STPG2: variants seen among roughly 807,000 people sequenced by gnomAD.
The protein encoded by STPG2 is sperm tail PG-rich repeat containing 2.
STPG2 carries 56 observed loss-of-function variants against 54.2 expected under a neutral mutation model. The ratio of observed to expected loss-of-function variants is 1.03; its 90% CI spans 0.83 to 1.29. STPG2 has a LOEUF of 1.29. STPG2 is among the 50% of genes most tolerant of loss of function. The pLI is 0.00. For synonymous variants in STPG2, 200 were observed against 181.8 expected, an observed-to-expected ratio of 1.10 and a Z score of -0.81; for missense variants, 596 against 544.9, an observed-to-expected ratio of 1.09 and a Z score of -0.93.
At chr4:97,452,239 C>T (rs1377351974) in intron 4 of STPG2, among the ~76,000 whole-genome samples, 1 of 151,768 alleles carries the variant, frequency 6.6e-6, no homozygotes, top group Non-Finnish European at 1.5e-5. Flanking sequence ...CTCACAGGCT[C>T]AGAAACGCCT....
intron 9 of STPG2, among the ~76,000 whole-genome samples, chr4:97,723,428 A>G (rs1389890951): frequency 2.0e-5 from 3 of 152,108 alleles, no homozygotes; most frequent in African/African-American, 7.2e-5. Context: ...ACCATTATGC[A>G]ATATATTCAT....
intron 7 of STPG2, among the ~76,000 whole-genome samples, chr4:97,971,002 G>A (rs1015982575): frequency 9.9e-5 from 15 of 152,144 alleles, no homozygotes; most frequent in African/African-American, 2.7e-4. Context: ...CAAAGGATGT[G>A]AACAGACACT....
intron 10 of STPG2, among the ~76,000 whole-genome samples, chr4:97,677,798 A>C (rs926839431): frequency 5.3e-5 from 8 of 152,254 alleles, no homozygotes; most frequent in African/African-American, 1.9e-4. Flanking sequence ...GACTTCATGG[A>C]GCCTCCATAT....
chr4:97,706,180 GC>G (rs1445450308), intron 10 of STPG2, among the ~76,000 whole-genome samples: 1 of 152,048 alleles, frequency 6.6e-6, no homozygotes, highest in African/African-American at 2.4e-5. Context: ...AGGAAGGGTA[GC>G]CCTTCTGAAA....
intron 8 of STPG2, among the ~76,000 whole-genome samples, chr4:97,908,080 C>CA (rs1439830732): frequency 6.6e-6 from 1 of 151,496 alleles, no homozygotes; most frequent in African/African-American, 2.4e-5. Context: ...AGTGAACAGG[C>CA]AACCTACAAA....
chr4:97,626,230 A>G (rs1209741849), intron 10 of STPG2, among the ~76,000 whole-genome samples: 1 of 152,210 alleles, frequency 6.6e-6, no homozygotes, highest in African/African-American at 2.4e-5. Flanking sequence ...ACCCAGATAT[A>G]CCATAATGAC....
chr4:97,757,568 T>G lies in STPG2; in HGVS notation c.1205-44754A>C, dbSNP rs778081165. The stretch of plus-strand genomic sequence containing the variant: ...ATGAATTAACACTTTCTATTTTTAC[T>G]CCTAATCTGAATATATATCCGTAAC... On this transcript the variant is annotated intron_variant, in intron 9 of 10. Coordinates refer to ENST00000295268, the MANE Select transcript of STPG2 (RefSeq NM_174952.3). Among the ~76,000 whole-genome samples, 7 of 152,296 alleles carry G rather than the reference T, an allele frequency of 4.6e-5. 1 individual carries two copies. In the Middle Eastern group the frequency reaches 0.024, roughly 518 times the overall value.
At chr4:97,608,119 G>A (rs544353025) in intron 10 of STPG2, among the ~76,000 whole-genome samples, 1 of 152,062 alleles carries the variant, frequency 6.6e-6, no homozygotes, top group East Asian at 1.9e-4. Context: ...CACTGCTGGA[G>A]AAAGGAAGGA....
In STPG2 at chr4:97,478,929, T is replaced by G. The variant is rs9942295; in HGVS notation, c.462+233770A>C. ...TGTGTGTGTGTGTGTGTACTTTATA[T>G]GTGAAAGACCAGGCAATATAAGTAA... On this transcript the variant is annotated intron_variant, in intron 4 of 4. Coordinates refer to the STPG2 transcript ENST00000522676. Among the ~76,000 whole-genome samples the G allele has an allele frequency of 3.4e-4, 50 of 149,070 alleles. No individual in the cohort carries two copies. In the East Asian group the frequency reaches 6.9e-3, roughly 21 times the overall value.
At chr4:97,474,681 T>G (rs1326207604) in intron 4 of STPG2, among the ~76,000 whole-genome samples, 1 of 152,068 alleles carries the variant, frequency 6.6e-6, no homozygotes, top group Non-Finnish European at 1.5e-5. Context: ...TCTTTTTAAT[T>G]TATTTTATTG....
At chr4:97,998,380 G>A (rs945984221) in intron 5 of STPG2, among the ~76,000 whole-genome samples, 2 of 152,168 alleles carry the variant, frequency 1.3e-5, no homozygotes, top group Admixed American at 6.5e-5. Context: ...CCTCTGAGGT[G>A]TCATACATGT....
intron 10 of STPG2, among the ~76,000 whole-genome samples, chr4:97,617,885 T>C (rs553736546): frequency 6.6e-6 from 1 of 152,168 alleles, no homozygotes; most frequent in African/African-American, 2.4e-5. Context: ...ATATACATCA[T>C]AGTCTTTAAG....
chr4:97,502,969 A>G (rs1730759049), intron 4 of STPG2, among the ~76,000 whole-genome samples: 1 of 152,068 alleles, frequency 6.6e-6, no homozygotes, highest in Non-Finnish European at 1.5e-5. Flanking sequence ...CATTGAGGAT[A>G]TAAATTTGTG....
intron 4 of STPG2, among the ~76,000 whole-genome samples, chr4:97,453,652 T>C (rs1729436171): frequency 1.3e-5 from 2 of 152,134 alleles, no homozygotes; most frequent in Non-Finnish European, 2.9e-5. Flanking sequence ...CTGTTTCCCA[T>C]CCCCAAATGA....
At chr4:97,814,644 T>C (rs1171297286) in intron 9 of STPG2, among the ~76,000 whole-genome samples, 4 of 152,080 alleles carry the variant, frequency 2.6e-5, no homozygotes, top group African/African-American at 9.7e-5. Flanking sequence ...GAGATTAACA[T>C]TTGAGTCAGT....
intron 9 of STPG2, among the ~76,000 whole-genome samples, chr4:97,813,086 C>A (rs947345760): frequency 4.6e-5 from 7 of 151,946 alleles, no homozygotes; most frequent in Admixed American, 1.3e-4. Context: ...ACTCTTTCAC[C>A]ACTACTGCTT....
chr4:97,482,235 G>A (rs1172205523), intron 4 of STPG2, among the ~76,000 whole-genome samples: 1 of 151,150 alleles, frequency 6.6e-6, no homozygotes, highest in Non-Finnish European at 1.5e-5. Context: ...GATTTAAACA[G>A]TTTTTGAAAA....
At chr4:97,752,032 C>T (rs1725595118) in intron 9 of STPG2, among the ~76,000 whole-genome samples, 1 of 151,714 alleles carries the variant, frequency 6.6e-6, no homozygotes, top group South Asian at 2.1e-4. Context: ...ATAGTGCATA[C>T]TCATTACATT....
At chr4:97,541,317 A>T (rs960371433) in intron 4 of STPG2, among the ~76,000 whole-genome samples, 8 of 152,128 alleles carry the variant, frequency 5.3e-5, no homozygotes, top group Non-Finnish European at 8.8e-5. Flanking sequence ...GCATTCTTAT[A>T]CACCAATAAT....
Sources: gnomAD v4.1 joint callset for allele counts (sites outside exome capture counted in the v4.1 genomes callset) on GRCh38, gnomAD v4.1.1 for gene constraint, MANE v1.5 for transcripts, NCBI Gene and HGNC (gene_info 2026-07-23, HGNC 2026-07-21) for gene names.